The following HACE1 variants were observed in gnomAD, a reference collection of about 807,000 sequenced individuals.
HACE1 encodes HECT domain and ankyrin repeat containing E3 ubiquitin protein ligase 1.
HACE1 carries 73 observed loss-of-function variants against 118.4 expected under a neutral mutation model. The ratio of observed to expected loss-of-function variants is 0.62; its 90% confidence interval spans 0.51 to 0.75. The LOEUF (loss-of-function observed/expected upper bound fraction) is 0.75. Ranked by LOEUF, HACE1 falls within the 30% of genes least tolerant of loss-of-function variation. The pLI is 0.00. For synonymous variants in HACE1, 368 were observed against 374.8 expected, an observed-to-expected ratio of 0.98 and a Z score of 0.21; for missense variants, 749 against 1,102.2, an observed-to-expected ratio of 0.68 and a Z score of 4.54.
At position 104,843,100 on chromosome 6, in the gene HACE1, G is replaced by C; in HGVS notation, c.402+123C>G. Reference sequence around the variant, plus strand: ...CACTCTAGCCTGAGTGACAGAGCGAGACTCTGTCTCAAAAAAAAGTAACTT... The same window carrying C: ...CACTCTAGCCTGAGTGACAGAGCGACACTCTGTCTCAAAAAAAAGTAACTT... On this transcript the variant is annotated intron_variant, in intron 5 of 23. Transcript: ENST00000262903. 5.6e-6 allele frequency: 4 copies of C among 719,036 alleles called. No individual in the cohort carries two copies. The Admixed American group carries it at 7.2e-5, about 13-fold the overall frequency. 44.5% of individuals were successfully genotyped at this position (719,036 alleles called of 1,614,324 possible).
At chr6:104,822,762 CAGG>C (rs1330895661) in intron 6 of HACE1, among the ~76,000 whole-genome samples, 1 of 151,908 alleles carries the variant, frequency 6.6e-6, no homozygotes, top group African/African-American at 2.4e-5. Flanking sequence ...GAGGCCGAGG[CAGG>C]AGAATTGCTT....
chr6:104,858,043 G>T (rs1267735248), intron 1 of HACE1, among the ~76,000 whole-genome samples: 1 of 151,506 alleles, frequency 6.6e-6, no homozygotes, highest in Non-Finnish European at 1.5e-5. Flanking sequence ...GAGGGAAAAA[G>T]AAATAACAAT....
At chr6:104,743,333 A>C (rs1326774246) in intron 22 of HACE1, among the ~76,000 whole-genome samples, 2 of 151,778 alleles carry the variant, frequency 1.3e-5, no homozygotes, top group Non-Finnish European at 2.9e-5. Context: ...AATTATATAT[A>C]TGTATTTTAT....
In HACE1 at chr6:104,791,518, T is replaced by A. The variant is rs144694757; in HGVS notation, c.1060A>T (p.Ser354Cys). 1.2e-6 allele frequency: 2 copies of A among 1,613,236 alleles called. No homozygotes were observed. The highest frequency in any genetic ancestry group is 2.7e-5 in the African/African-American group (2 of 75,036). ...ACTTTTCTCACCTTGAACACCTGGC[T>A]TCTTGGAGTTTTATTCCCATTGTAG... ...MGYNGNKTPR[S>C]QVFKPLELLW... The change falls in exon 11 of 24, where the codon AGC becomes TGC. Residue 354 changes from serine (S) to cysteine (C), a missense_variant. By Grantham distance (112) the Ser-to-Cys change is moderately radical. Coordinates refer to ENST00000262903, the MANE Select transcript of HACE1 (RefSeq NM_020771.4).
intron 14 of HACE1, chr6:104,782,562 TAGTAGC>T (rs1345600434): frequency 6.6e-6 from 1 of 152,102 alleles, no homozygotes; most frequent in Non-Finnish European, 1.5e-5. Context: ...TTCTCCCATT[TAGTAGC>T]AGAATGACTT....
chr6:104,787,911 T>C lies in HACE1; in HGVS notation c.1075-2592A>G, dbSNP rs184105974. On this transcript the variant is annotated intron_variant, in intron 11 of 23. Coordinates refer to ENST00000262903, the MANE Select transcript of HACE1 (RefSeq NM_020771.4). The stretch of plus-strand genomic sequence containing the variant: ...AAAATAAGATAAGTAATAAACCACA[T>C]TGGACCTTTCTTTACTTTTCTCTCT... Among the ~76,000 whole-genome samples, 291 of 152,256 alleles carry C rather than the reference T, an allele frequency of 1.9e-3. 2 individuals are homozygous for C. The highest frequency in any genetic ancestry group is 3.3e-3 in the Non-Finnish European group (225 of 67,994).
chr6:104,823,234 G>T (rs1215563149), intron 6 of HACE1, among the ~76,000 whole-genome samples: 1 of 152,130 alleles, frequency 6.6e-6, no homozygotes, highest in African/African-American at 2.4e-5. Context: ...AGGAGTTCAA[G>T]ATCAGCCTGG....
At chr6:104,823,784 C>A (rs1454407614) in intron 6 of HACE1, among the ~76,000 whole-genome samples, 2 of 151,204 alleles carry the variant, frequency 1.3e-5, no homozygotes, top group African/African-American at 2.4e-5. Context: ...TGTTTGCTGG[C>A]GGTTTTCTTT....
At chr6:104,822,842 T>G (rs1177737271) in intron 6 of HACE1, among the ~76,000 whole-genome samples, 1 of 151,242 alleles carries the variant, frequency 6.6e-6, no homozygotes, top group African/African-American at 2.4e-5. Flanking sequence ...GTACCGTGTC[T>G]CCAAAAAAAA....
At chr6:104,805,911 C>T (rs1770943316) in intron 7 of HACE1, among the ~76,000 whole-genome samples, 2 of 151,694 alleles carry the variant, frequency 1.3e-5, no homozygotes, top group South Asian at 4.2e-4. Flanking sequence ...GTATCATACA[C>T]AGGAGGATAT....
At chr6:104,775,187 T>C (rs1464707390) in intron 17 of HACE1, among the ~76,000 whole-genome samples, 2 of 151,914 alleles carry the variant, frequency 1.3e-5, no homozygotes, top group South Asian at 2.1e-4. Context: ...ACAAAAAGAA[T>C]AGAGAAATTA....
At chr6:104,739,426 C>T (rs1776361271) in intron 22 of HACE1, among the ~76,000 whole-genome samples, 1 of 152,088 alleles carries the variant, frequency 6.6e-6, no homozygotes, top group Admixed American at 6.5e-5. Flanking sequence ...AAACCCATCT[C>T]ACGTGCAGAG....
chr6:104,813,887 T>A (rs1771865192), intron 6 of HACE1, among the ~76,000 whole-genome samples: 1 of 137,378 alleles, frequency 7.3e-6, no homozygotes, highest in South Asian at 2.2e-4. Context: ...GAAAAGTAAC[T>A]GATAACCTCG....
At chr6:104,758,357 G>A (rs1212751598) in intron 19 of HACE1, among the ~76,000 whole-genome samples, 1 of 152,200 alleles carries the variant, frequency 6.6e-6, no homozygotes. Context: ...TCTCTCTGCA[G>A]AAACCCTACA....
At chr6:104,833,307 T>C in intron 5 of HACE1, 134 bp from the exon 6 acceptor site, 1 of 800,724 alleles carries the variant, frequency 1.2e-6, no homozygotes, top group South Asian at 1.4e-5. Context: ...CATGTAATGG[T>C]TTAAAACTAA....
chr6:104,764,224 C>T (rs754595178), intron 19 of HACE1, among the ~76,000 whole-genome samples: 28 of 152,018 alleles, frequency 1.8e-4, no homozygotes, highest in African/African-American at 4.8e-4. Flanking sequence ...ATTACAGGCA[C>T]GCACTACCAT....
chr6:104,830,399 T>C (rs541384436), intron 6 of HACE1, among the ~76,000 whole-genome samples: 1 of 152,186 alleles, frequency 6.6e-6, no homozygotes, highest in South Asian at 2.1e-4. Flanking sequence ...AGACAAAAAA[T>C]GCAAATGAAC....
At chr6:104,839,543 T>C (rs1189623430) in intron 5 of HACE1, among the ~76,000 whole-genome samples, 3 of 152,190 alleles carry the variant, frequency 2.0e-5, no homozygotes, top group Non-Finnish European at 4.4e-5. Flanking sequence ...GGTATGGTTA[T>C]AAAAGGGCAA....
intron 19 of HACE1, among the ~76,000 whole-genome samples, chr6:104,759,363 T>G (rs774453977): frequency 6.6e-6 from 1 of 152,164 alleles, no homozygotes; most frequent in Non-Finnish European, 1.5e-5. Context: ...CAGAGCACAG[T>G]GCAATCAAAT....
Sources: allele counts gnomAD v4.1 joint callset (sites outside exome capture counted in the v4.1 genomes callset), GRCh38; gene constraint gnomAD v4.1.1; transcripts MANE v1.5; gene names NCBI Gene and HGNC (gene_info 2026-07-23, HGNC 2026-07-21).